Variants in DSCAM observed in about 807,000 individuals in gnomAD.
DSCAM encodes the protein cell adhesion molecule DSCAM.
Under a neutral mutation model 217.7 loss-of-function variants are expected in DSCAM, and 47 were observed. The observed-to-expected ratio is 0.22, with a 90% CI of 0.17 to 0.28. The LOEUF (loss-of-function observed/expected upper bound fraction) is 0.28. Ranked by LOEUF, DSCAM falls within the 10% of genes least tolerant of loss-of-function variation. DSCAM has a pLI of 1.00. For missense variants in DSCAM, 2,080 were observed against 2,618.3 expected (o/e 0.79, Z 4.49); for synonymous variants, 1,056 against 1,015.3 (o/e 1.04, Z -0.76).
At chr21:40,081,649 C>T (rs933246065) in intron 24 of DSCAM, among the ~76,000 whole-genome samples, 3 of 152,158 alleles carry the variant, frequency 2.0e-5, no homozygotes, top group Non-Finnish European at 4.4e-5. Flanking sequence ...GCTTTCCTCC[C>T]ACTTTCCACC....
chr21:40,134,124 T>C, intron 18 of DSCAM, 115 bp from the exon 19 acceptor site: 2 of 1,325,414 alleles, frequency 1.5e-6, no homozygotes, highest in Admixed American at 5.2e-5. Context: ...CCAGCCATCA[T>C]CTGGACACGA....
chr21:40,267,847 G>A (rs1266639527), intron 11 of DSCAM, among the ~76,000 whole-genome samples: 1 of 152,030 alleles, frequency 6.6e-6, no homozygotes, highest in Admixed American at 6.6e-5. Flanking sequence ...AGTGAGCTGA[G>A]ATCGTGCCAT....
At chr21:40,071,948 C>T (rs1458157259) in intron 27 of DSCAM, among the ~76,000 whole-genome samples, 2 of 152,194 alleles carry the variant, frequency 1.3e-5, no homozygotes, top group African/African-American at 4.8e-5. Flanking sequence ...AAGAAACAAA[C>T]GTCTTTCTGG....
chr21:40,011,818 A>G lies in DSCAM; in HGVS notation c.*1216T>C, dbSNP rs940010651. 2 of 152,216 alleles carry G rather than the reference A, an allele frequency of 1.3e-5. No individual in the cohort carries two copies. The highest frequency in any genetic ancestry group is 4.8e-5 in the African/African-American group (2 of 41,464). 9.4% of individuals were successfully genotyped at this position (152,216 alleles called of 1,614,324 possible). A position where few individuals can be genotyped will look rare whatever the true frequency, so the allele number is the denominator to read the frequency against. On this transcript the variant is annotated 3_prime_UTR_variant, in exon 33 of 33. Transcript: ENST00000400454. ...ATGGTCTATCACAAATTTGCATACC[A>G]GGCATAGTGGAGATAGGAAAAGTCA...
At chr21:40,562,642 T>G (rs1232628709) in intron 3 of DSCAM, among the ~76,000 whole-genome samples, 2 of 152,214 alleles carry the variant, frequency 1.3e-5, no homozygotes, top group East Asian at 3.8e-4. Context: ...TAGAAAGTGA[T>G]CAGAGATTGA....
intron 3 of DSCAM, among the ~76,000 whole-genome samples, chr21:40,482,684 G>A (rs1277971465): frequency 6.6e-6 from 1 of 152,088 alleles, no homozygotes; most frequent in Non-Finnish European, 1.5e-5. Context: ...TGACAGCAGA[G>A]GGCAATAAAT....
intron 15 of DSCAM, among the ~76,000 whole-genome samples, chr21:40,178,060 G>A (rs2090752080): frequency 6.6e-6 from 1 of 152,176 alleles, no homozygotes; most frequent in African/African-American, 2.4e-5. Context: ...ACAATAAATG[G>A]GCCAGGCATG....
At chr21:40,598,157 C>T (rs1406532071) in intron 3 of DSCAM, among the ~76,000 whole-genome samples, 1 of 152,180 alleles carries the variant, frequency 6.6e-6, no homozygotes, top group East Asian at 1.9e-4. Context: ...TTTATTGTCT[C>T]AGCATTTGCC....
chr21:40,345,912 C>T (rs2074553175), intron 6 of DSCAM, among the ~76,000 whole-genome samples: 3 of 151,710 alleles, frequency 2.0e-5, no homozygotes, highest in Admixed American at 2.0e-4. Context: ...CGCCTCGGCC[C>T]CCTTTTTAGT....
Position 40,276,217 on chromosome 21 carries a change from G to T in DSCAM, c.2236C>A (p.Leu746Ile), listed in dbSNP as rs1234866422. The change falls in exon 11 of 33, where the codon CTC becomes ATC. Residue 746 changes from leucine (L) to isoleucine (I), a missense_variant. Transcript: ENST00000400454. ...PIALNGRIQV[L>I]SNGSLLIKHV... ...TTGATCAGCAACGACCCATTGCTGA[G>T]AACTTGGATTCGGCCATTTAGGGCA... is the stretch of plus-strand genomic sequence containing the variant. 1 of 1,612,986 alleles carries T rather than the reference G, an allele frequency of 6.2e-7. No homozygotes were observed. The highest frequency in any genetic ancestry group is 8.5e-7 in the Non-Finnish European group (1 of 1,179,466).
chr21:40,708,824 T>C, intron 1 of DSCAM, 53 bp from the exon 2 acceptor site: 3 of 1,289,066 alleles, frequency 2.3e-6, no homozygotes, highest in Admixed American at 5.6e-5. Context: ...GCCTTTGACA[T>C]TTGCAGTTCA....
intron 3 of DSCAM, among the ~76,000 whole-genome samples, chr21:40,477,021 G>T (rs936307761): frequency 2.6e-5 from 4 of 152,108 alleles, no homozygotes; most frequent in Admixed American, 2.6e-4. Context: ...TGGAATATTT[G>T]GGAAGAGCTC....
At chr21:40,682,691 AGCGG>A (rs747777193) in intron 3 of DSCAM, among the ~76,000 whole-genome samples, 4 of 3,388 alleles carry the variant, frequency 1.2e-3, no homozygotes, top group Non-Finnish European at 1.3e-3. Context: ...AGGGGAAGGG[AGCGG>A]AGGGGAAGGG....
chr21:40,624,297 A>G (rs1041854799), intron 3 of DSCAM, among the ~76,000 whole-genome samples: 2 of 152,248 alleles, frequency 1.3e-5, no homozygotes, highest in Admixed American at 6.5e-5. Context: ...AATATGACAG[A>G]AGGAGGAAAT....
At chr21:40,747,051 G>T (rs553635131) in intron 1 of DSCAM, among the ~76,000 whole-genome samples, 27 of 151,862 alleles carry the variant, frequency 1.8e-4, no homozygotes, top group East Asian at 5.8e-4. Flanking sequence ...AAACCTATGG[G>T]ATATAGTAAA....
At chr21:40,325,642 G>C (rs927447404) in intron 8 of DSCAM, among the ~76,000 whole-genome samples, 2 of 152,220 alleles carry the variant, frequency 1.3e-5, no homozygotes, top group African/African-American at 4.8e-5. Context: ...GCAATGCATA[G>C]ATGAAATCCT....
chr21:40,721,695 T>C (rs2090902392), intron 1 of DSCAM, among the ~76,000 whole-genome samples: 1 of 152,044 alleles, frequency 6.6e-6, no homozygotes, highest in African/African-American at 2.4e-5. Flanking sequence ...CCAATATCGT[T>C]TGGCCTAATA....
At chr21:40,523,166 G>C (rs1015776838) in intron 3 of DSCAM, among the ~76,000 whole-genome samples, 4 of 152,122 alleles carry the variant, frequency 2.6e-5, no homozygotes, top group Non-Finnish European at 5.9e-5. Flanking sequence ...ATACAGAAGC[G>C]GGCAGGGAAG....
intron 27 of DSCAM, among the ~76,000 whole-genome samples, chr21:40,068,165 A>G (rs1291691413): frequency 6.6e-6 from 1 of 152,150 alleles, no homozygotes; most frequent in Non-Finnish European, 1.5e-5. Flanking sequence ...TCAAAAGACA[A>G]CATTTGCTAA....
Sources: gnomAD v4.1 joint callset for allele counts (sites outside exome capture counted in the v4.1 genomes callset) on GRCh38, gnomAD v4.1.1 for gene constraint, MANE v1.5 for transcripts, NCBI Gene and HGNC (gene_info 2026-07-23, HGNC 2026-07-21) for gene names.